PEAK1: variants seen among roughly 807,000 people sequenced by gnomAD.
PEAK1 encodes pseudopodium enriched atypical kinase 1, also known as inactive tyrosine-protein kinase PEAK1.
In PEAK1, 54 loss-of-function variants were observed where a neutral mutation model predicts 124.7. The ratio of observed to expected loss-of-function variants is 0.43; its 90% CI spans 0.35 to 0.54. The LOEUF (loss-of-function observed/expected upper bound fraction) is 0.54. PEAK1 is among the 20% of genes least tolerant of loss of function. The pLI, the probability that PEAK1 is intolerant of heterozygous loss-of-function variation, is 0.01. For missense variants in PEAK1, 2,046 were observed against 2,134.5 expected (o/e 0.96, Z 0.82); for synonymous variants, 719 against 760.0 (o/e 0.95, Z 0.89).
At chr15:77,329,212 A>G (rs1303533598) in intron 2 of PEAK1, among the ~76,000 whole-genome samples, 1 of 152,170 alleles carries the variant, frequency 6.6e-6, no homozygotes, top group Non-Finnish European at 1.5e-5. Flanking sequence ...GCAGAGCAAA[A>G]CAAAATTTTA....
intron 2 of PEAK1, chr15:77,335,687 AC>A (rs1390285273): frequency 2.5e-6 from 2 of 798,990 alleles, no homozygotes; most frequent in African/African-American, 3.8e-5. Context: ...GCCCAGGCTG[AC>A]CCATGTTGCC....
At chr15:77,216,486 G>A (rs1186389162) in intron 6 of PEAK1, among the ~76,000 whole-genome samples, 1 of 152,196 alleles carries the variant, frequency 6.6e-6, no homozygotes, top group Non-Finnish European at 1.5e-5. Flanking sequence ...TTATAGTAAA[G>A]CTTGGGTGGA....
intron 1 of PEAK1, among the ~76,000 whole-genome samples, chr15:77,408,092 C>T (rs62007283): frequency 6.7e-6 from 1 of 149,408 alleles, no homozygotes; most frequent in African/African-American, 2.5e-5. Flanking sequence ...CACATATATA[C>T]ACACACATAT....
downstream of PEAK1, chr15:77,107,697 T>A (rs2050771244): frequency 6.6e-6 from 1 of 152,264 alleles, no homozygotes; most frequent in South Asian, 2.1e-4. Context: ...TATCACTGTG[T>A]CAAAGGCATG....
intron 5 of PEAK1, among the ~76,000 whole-genome samples, chr15:77,259,437 T>G (rs2061328575): frequency 6.6e-6 from 1 of 152,188 alleles, no homozygotes; most frequent in South Asian, 2.1e-4. Flanking sequence ...GATTTAAAGT[T>G]TGTAATGGGC....
At chr15:77,146,660 C>A (rs1055395040) in intron 8 of PEAK1, among the ~76,000 whole-genome samples, 2 of 152,178 alleles carry the variant, frequency 1.3e-5, no homozygotes, top group African/African-American at 4.8e-5. Flanking sequence ...ACTGCTCAAA[C>A]AAATGTTCAA....
At chr15:77,201,363 G>A (rs938126492) in intron 6 of PEAK1, among the ~76,000 whole-genome samples, 3 of 148,042 alleles carry the variant, frequency 2.0e-5, no homozygotes, top group Admixed American at 1.4e-4. Flanking sequence ...TCCGCCTCCC[G>A]AGTACCTGGG....
intron 1 of PEAK1, among the ~76,000 whole-genome samples, chr15:77,375,917 G>T (rs1013096654): frequency 1.3e-5 from 2 of 151,830 alleles, no homozygotes; most frequent in Non-Finnish European, 2.9e-5. Flanking sequence ...GAGAATGGCG[G>T]GAACCCGGGA....
intron 9 of PEAK1, among the ~76,000 whole-genome samples, chr15:77,119,002 A>G (rs1395933703): frequency 6.6e-6 from 1 of 152,268 alleles, no homozygotes; most frequent in Non-Finnish European, 1.5e-5. Context: ...ATCAATATCC[A>G]GGAGTCATTT....
intron 5 of PEAK1, among the ~76,000 whole-genome samples, chr15:77,281,411 T>C (rs1210496668): frequency 6.6e-6 from 1 of 152,182 alleles, no homozygotes; most frequent in East Asian, 1.9e-4. Flanking sequence ...GCAAAGATCT[T>C]CATTTCTCCT....
chr15:77,250,175 GTA>G (rs1163916105), intron 6 of PEAK1, among the ~76,000 whole-genome samples: 4 of 130,874 alleles, frequency 3.1e-5, no homozygotes, highest in Non-Finnish European at 6.2e-5. Context: ...ACATATATAT[GTA>G]TATGTATATA....
chr15:77,290,179 G>T (rs34113948), intron 2 of PEAK1, among the ~76,000 whole-genome samples: 144 of 152,212 alleles, frequency 9.5e-4, no homozygotes, highest in Non-Finnish European at 1.7e-3. Context: ...AGGCTGAAGC[G>T]CAGTCCACAA....
intron 7 of PEAK1, among the ~76,000 whole-genome samples, chr15:77,165,010 T>C (rs1472190561): frequency 6.6e-6 from 1 of 152,004 alleles, no homozygotes; most frequent in Non-Finnish European, 1.5e-5. Flanking sequence ...TTCAAGAGAT[T>C]TTCCTACCTC....
intron 1 of PEAK1, among the ~76,000 whole-genome samples, chr15:77,383,960 T>C (rs367844633): frequency 8.5e-5 from 13 of 152,284 alleles, no homozygotes; most frequent in South Asian, 2.1e-4. Flanking sequence ...CTGTAAAATA[T>C]AGATTGCAAA....
intron 6 of PEAK1, among the ~76,000 whole-genome samples, chr15:77,185,017 A>G (rs1202350811): frequency 6.6e-6 from 1 of 152,246 alleles, no homozygotes; most frequent in Non-Finnish European, 1.5e-5. Context: ...ACAGGACAGG[A>G]GGCTTAAAAG....
Position 77,111,534 on chromosome 15 carries a change from G to C in PEAK1, c.*2622C>G, listed in dbSNP as rs1213024955. The C allele has an allele frequency of 1.3e-5, 2 of 152,124 alleles. No individual in the cohort carries two copies. Among genetic ancestry groups the C allele is most frequent in the African/African-American group, 4.8e-5 (2 of 41,418 alleles). 9.4% of individuals were successfully genotyped at this position (152,124 alleles called of 1,614,324 possible). On this transcript the variant is annotated 3_prime_UTR_variant, in exon 10 of 10. Coordinates refer to ENST00000682557, the MANE Select transcript of PEAK1 (RefSeq NM_001385026.1). ...GCCACCTGTCTCTGGGAAGCCTGAG[G>C]CTTTTCTCTGGCTAGTTTGCATTCA...
chr15:77,163,831 C>T (rs763959754), intron 7 of PEAK1, among the ~76,000 whole-genome samples: 2 of 152,180 alleles, frequency 1.3e-5, no homozygotes, highest in Non-Finnish European at 2.9e-5. Context: ...TTGCCCACGA[C>T]AGCCAATAAG....
At chr15:77,337,937 T>C (rs1481072540) in intron 2 of PEAK1, 1 of 984,048 alleles carries the variant, frequency 1.0e-6, no homozygotes, top group East Asian at 1.1e-4. Flanking sequence ...GGGGTGCTGA[T>C]AGAAAAAAAT....
chr15:77,236,897 C>A (rs912505148), intron 6 of PEAK1, among the ~76,000 whole-genome samples: 2 of 152,142 alleles, frequency 1.3e-5, no homozygotes, highest in Admixed American at 1.3e-4. Flanking sequence ...TCACTTGGCA[C>A]TTTTCCTTCC....
Sources: allele counts gnomAD v4.1 joint callset (sites outside exome capture counted in the v4.1 genomes callset), GRCh38; gene constraint gnomAD v4.1.1; transcripts MANE v1.5; gene names NCBI Gene and HGNC (gene_info 2026-07-23, HGNC 2026-07-21).